Variants in PPP3CA observed in about 807,000 individuals in gnomAD.
The protein encoded by PPP3CA is CAM-PRP catalytic subunit.
A neutral mutation model predicts 66.5 loss-of-function variants in PPP3CA; 14 were observed. That is an observed-to-expected ratio of 0.21 (90% CI 0.14 to 0.33). The LOEUF is 0.33. Ranked by LOEUF, PPP3CA falls within the 10% of genes least tolerant of loss-of-function variation. The pLI is 1.00. For synonymous variants in PPP3CA, 232 were observed against 226.2 expected (o/e 1.03, Z -0.23); for missense variants, 317 against 639.5 (o/e 0.50, Z 5.44).
chr4:101,208,081 C>G (rs752071846), intron 1 of PPP3CA, among the ~76,000 whole-genome samples: 2 of 152,120 alleles, frequency 1.3e-5, no homozygotes, highest in Non-Finnish European at 2.9e-5. Flanking sequence ...TCACAACTAG[C>G]AGACTAGAAA....
At chr4:101,227,894 CAT>C (rs1267840062) in intron 1 of PPP3CA, among the ~76,000 whole-genome samples, 2 of 151,688 alleles carry the variant, frequency 1.3e-5, no homozygotes, top group African/African-American at 4.8e-5. Flanking sequence ...CTACAAAGCT[CAT>C]GTCTCATTCT....
At chr4:101,130,821 A>C (rs1722405120) in intron 2 of PPP3CA, among the ~76,000 whole-genome samples, 1 of 152,242 alleles carries the variant, frequency 6.6e-6, no homozygotes, top group Admixed American at 6.5e-5. Context: ...TATTATGAAG[A>C]AACTCCATCA....
intron 2 of PPP3CA, among the ~76,000 whole-genome samples, chr4:101,167,993 G>C (rs1309339615): frequency 6.6e-6 from 1 of 152,162 alleles, no homozygotes; most frequent in Non-Finnish European, 1.5e-5. Flanking sequence ...AGAGGGATGT[G>C]AGCAGAAGGG....
At chr4:101,166,976 C>A (rs556242419) in intron 2 of PPP3CA, among the ~76,000 whole-genome samples, 2 of 152,108 alleles carry the variant, frequency 1.3e-5, no homozygotes, top group Non-Finnish European at 2.9e-5. Context: ...TCTTTCTTGT[C>A]CCTCCTTTAA....
intron 2 of PPP3CA, chr4:101,171,361 A>G (rs1723873219): frequency 2.8e-6 from 1 of 356,492 alleles, no homozygotes. Context: ...AAAAAAAAAA[A>G]AAAACCCTTC....
chr4:101,070,091 T>C (rs1382743478), intron 8 of PPP3CA, among the ~76,000 whole-genome samples: 5 of 152,168 alleles, frequency 3.3e-5, no homozygotes, highest in Non-Finnish European at 7.3e-5. Flanking sequence ...TAGCAAATTC[T>C]TAACTAGGTT....
intron 1 of PPP3CA, among the ~76,000 whole-genome samples, chr4:101,326,755 T>A (rs910229200): frequency 1.3e-5 from 2 of 152,218 alleles, no homozygotes; most frequent in African/African-American, 4.8e-5. Flanking sequence ...TATACTATTC[T>A]CTGGTCTACA....
chr4:101,132,620 C>CA (rs1722483575), intron 2 of PPP3CA, among the ~76,000 whole-genome samples: 1 of 151,948 alleles, frequency 6.6e-6, no homozygotes, highest in African/African-American at 2.4e-5. Context: ...GCCTACCAAC[C>CA]AAAAAAAGCC....
chr4:101,062,173 G>C (rs1728490998), intron 9 of PPP3CA, among the ~76,000 whole-genome samples: 1 of 152,054 alleles, frequency 6.6e-6, no homozygotes, highest in Non-Finnish European at 1.5e-5. Flanking sequence ...CATCCACACT[G>C]CTTCTGTTTC....
chr4:101,278,948 T>C (rs1034781933), intron 1 of PPP3CA, among the ~76,000 whole-genome samples: 1 of 152,216 alleles, frequency 6.6e-6, no homozygotes, highest in Non-Finnish European at 1.5e-5. Context: ...TTTTTAAATA[T>C]GACAGATTTG....
intron 2 of PPP3CA, among the ~76,000 whole-genome samples, chr4:101,124,757 AAG>A (rs1722181883): frequency 7.9e-6 from 1 of 126,598 alleles, no homozygotes; most frequent in Non-Finnish European, 1.6e-5. Context: ...GAAAGAAAGA[AAG>A]AAAGAAAGAA....
At chr4:101,145,342 G>C (rs1722936083) in intron 2 of PPP3CA, among the ~76,000 whole-genome samples, 1 of 152,124 alleles carries the variant, frequency 6.6e-6, no homozygotes, top group Non-Finnish European at 1.5e-5. Flanking sequence ...GTACTCTCAT[G>C]TTTATTGCAG....
intron 10 of PPP3CA, among the ~76,000 whole-genome samples, chr4:101,057,999 G>A (rs902915645): frequency 2.0e-5 from 3 of 151,896 alleles, no homozygotes; most frequent in Non-Finnish European, 4.4e-5. Context: ...TTAGATGATT[G>A]TTTCTCTTTA....
intron 6 of PPP3CA, among the ~76,000 whole-genome samples, chr4:101,084,423 C>G (rs956139823): frequency 1.3e-5 from 2 of 151,946 alleles, no homozygotes; most frequent in African/African-American, 4.8e-5. Flanking sequence ...GGCAGATCAC[C>G]TGAGGTCAGG....
At chr4:101,153,557 G>A (rs1723211304) in intron 2 of PPP3CA, among the ~76,000 whole-genome samples, 1 of 151,996 alleles carries the variant, frequency 6.6e-6, no homozygotes, top group Admixed American at 6.6e-5. Context: ...AAAGATCTTT[G>A]AACAAAGAAT....
intron 1 of PPP3CA, among the ~76,000 whole-genome samples, chr4:101,202,611 G>A (rs906550225): frequency 2.6e-5 from 4 of 152,114 alleles, no homozygotes; most frequent in Non-Finnish European, 4.4e-5. Context: ...TTCTACTTAC[G>A]CTACTCCTTC....
chr4:101,188,966 C>CT (rs1367308674), intron 2 of PPP3CA, among the ~76,000 whole-genome samples: 1 of 152,074 alleles, frequency 6.6e-6, no homozygotes, highest in Admixed American at 6.6e-5. Context: ...AGTAAACTAG[C>CT]TGCATGAAAA....
At chr4:101,190,820 T>G (rs1724576518) in intron 2 of PPP3CA, among the ~76,000 whole-genome samples, 1 of 152,168 alleles carries the variant, frequency 6.6e-6, no homozygotes, top group Non-Finnish European at 1.5e-5. Context: ...CACTTTTTAT[T>G]TAAAATATAA....
intron 8 of PPP3CA, 53 bp downstream of exon 8, chr4:101,080,479 A>T: frequency 9.8e-7 from 1 of 1,024,560 alleles, no homozygotes; most frequent in Non-Finnish European, 1.3e-6. Flanking sequence ...AAACGGCTTA[A>T]GAATTATTAC....
Sources: allele counts gnomAD v4.1 joint callset (sites outside exome capture counted in the v4.1 genomes callset), GRCh38; gene constraint gnomAD v4.1.1; transcripts MANE v1.5; gene names NCBI Gene and HGNC (gene_info 2026-07-23, HGNC 2026-07-21).